SOX6: variants seen among roughly 807,000 people sequenced by gnomAD.
The protein encoded by SOX6 is transcription factor SOX-6.
In SOX6, 11 loss-of-function variants were observed where a neutral mutation model predicts 97.8. The observed-to-expected ratio is 0.11, with a 90% confidence interval of 0.07 to 0.19. SOX6 has a LOEUF of 0.19. Among genes scored for constraint, SOX6 ranks in the 10% least tolerant of loss-of-function variants. SOX6 has a pLI of 1.00. For synonymous variants in SOX6, 360 were observed against 371.4 expected (o/e 0.97, Z 0.35); for missense variants, 810 against 1,039.5 (o/e 0.78, Z 3.04).
intron 4 of SOX6, among the ~76,000 whole-genome samples, chr11:16,573,491 T>C (rs888416050): frequency 2.6e-5 from 4 of 152,156 alleles, no homozygotes; most frequent in Admixed American, 6.5e-5. Context: ...AGAAGTCACA[T>C]CAAATATTTA....
intron 3 of SOX6, among the ~76,000 whole-genome samples, chr11:16,622,019 T>A (rs1848551231): frequency 6.6e-6 from 1 of 152,236 alleles, no homozygotes. Context: ...CATTGCTAGG[T>A]CATCTTGTGG....
rs1208040567 is a variant in SOX6 at position 16,132,386 on chromosome 11, GAA to G, written c.778-20465_778-20464del. 7.0e-4 allele frequency among the ~76,000 whole-genome samples: 56 copies of G among 79,540 alleles called. 1 individual carries two copies. The highest frequency in any genetic ancestry group is 3.7e-3 in the Admixed American group (24 of 6,458). 52.2% of individuals were successfully genotyped at this position (79,540 alleles called of 152,430 possible). ...AGAAAGAAAGAAAGAAAGAAAGAAA[GAA>G]AGAAAGAAAGAAAAAAGAAAGAAAG... On this transcript the variant is annotated intron_variant, in intron 6 of 15. Transcript: ENST00000683767.
At chr11:16,637,736 G>C (rs367919892) in intron 3 of SOX6, among the ~76,000 whole-genome samples, 1 of 152,032 alleles carries the variant, frequency 6.6e-6, no homozygotes, top group East Asian at 1.9e-4. Context: ...TGGATCCTAA[G>C]CTAATGAAGC....
chr11:16,325,182 A>T (rs970413453), intron 2 of SOX6, among the ~76,000 whole-genome samples: 1 of 152,142 alleles, frequency 6.6e-6, no homozygotes, highest in Non-Finnish European at 1.5e-5. Flanking sequence ...TTTCATCTTC[A>T]CATTTAAATA....
chr11:15,987,840 G>A (rs1315867439), intron 14 of SOX6, among the ~76,000 whole-genome samples: 1 of 150,618 alleles, frequency 6.6e-6, no homozygotes, highest in South Asian at 2.1e-4. Context: ...TAATTGTAAT[G>A]ACATTTAGTA....
At chr11:16,286,335 A>T (rs1295293717) in intron 3 of SOX6, among the ~76,000 whole-genome samples, 1 of 152,126 alleles carries the variant, frequency 6.6e-6, no homozygotes, top group Non-Finnish European at 1.5e-5. Context: ...TGACTTCCCA[A>T]CAGGCAGACC....
At chr11:16,359,514 G>A (rs1857152339), upstream of SOX6, among the ~76,000 whole-genome samples, 2 of 152,050 alleles carry the variant, frequency 1.3e-5, no homozygotes, top group Admixed American at 6.6e-5. Flanking sequence ...CATCCAAAAG[G>A]TTGTATATAT....
At chr11:16,054,473 AAAG>A (rs1233405668) in intron 10 of SOX6, among the ~76,000 whole-genome samples, 3 of 152,150 alleles carry the variant, frequency 2.0e-5, no homozygotes, top group African/African-American at 7.2e-5. Flanking sequence ...GGAGAATCTA[AAAG>A]AATAGGTGGC....
At chr11:15,988,951 G>T (rs1410942652) in intron 14 of SOX6, 46 bp downstream of exon 14, 8 of 1,561,978 alleles carry the variant, frequency 5.1e-6, no homozygotes, top group Middle Eastern at 1.7e-4. Flanking sequence ...GCACTCATGG[G>T]ATTTGCAGGG....
At chr11:16,650,043 A>G (rs1847623704) in intron 3 of SOX6, among the ~76,000 whole-genome samples, 1 of 152,186 alleles carries the variant, frequency 6.6e-6, no homozygotes. Flanking sequence ...ACAAAGAGGG[A>G]CATTATATAA....
At chr11:16,437,275 T>C (rs1353666671) in intron 1 of SOX6, among the ~76,000 whole-genome samples, 1 of 151,324 alleles carries the variant, frequency 6.6e-6, no homozygotes, top group East Asian at 1.9e-4. Context: ...TCTCTATTTT[T>C]TTTTTTTAAA....
chr11:16,076,974 C>T (rs373148367), intron 9 of SOX6, among the ~76,000 whole-genome samples: 18 of 151,438 alleles, frequency 1.2e-4, no homozygotes, highest in African/African-American at 3.2e-4. Context: ...AGGATGGTCT[C>T]GATCTCCTGA....
At chr11:16,333,988 T>C (rs1037154573) in intron 2 of SOX6, among the ~76,000 whole-genome samples, 1 of 152,178 alleles carries the variant, frequency 6.6e-6, no homozygotes, top group African/African-American at 2.4e-5. Context: ...GAACGTTGGC[T>C]GACTCCAAGA....
At chr11:16,007,974 A>G (rs2133853770) in intron 13 of SOX6, among the ~76,000 whole-genome samples, 1 of 152,164 alleles carries the variant, frequency 6.6e-6, no homozygotes, top group South Asian at 2.1e-4. Flanking sequence ...AAGTACAGTC[A>G]TTACTCAGTA....
chr11:16,682,097 C>T (rs112357619), intron 3 of SOX6, among the ~76,000 whole-genome samples: 1 of 152,304 alleles, frequency 6.6e-6, no homozygotes, highest in African/African-American at 2.4e-5. Flanking sequence ...AGGGAATGCT[C>T]CCTAACTCAT....
chr11:16,161,453 T>C (rs1284930748), intron 6 of SOX6, among the ~76,000 whole-genome samples: 1 of 151,930 alleles, frequency 6.6e-6, no homozygotes, highest in African/African-American at 2.4e-5. Context: ...CTAGTAGCTG[T>C]TCCCCTAATC....
At chr11:16,312,287 G>T (rs907567458) in intron 3 of SOX6, 1 of 152,066 alleles carries the variant, frequency 6.6e-6, no homozygotes, top group Non-Finnish European at 1.5e-5. Flanking sequence ...ATTACCTAAA[G>T]AATAAGTTTT....
chr11:16,048,630 C>T (rs1164698377), intron 11 of SOX6, among the ~76,000 whole-genome samples: 1 of 152,074 alleles, frequency 6.6e-6, no homozygotes, highest in African/African-American at 2.4e-5. Flanking sequence ...TATTGTGAAA[C>T]ATCAAATCAG....
chr11:16,547,837 C>T (rs992354728), intron 4 of SOX6, among the ~76,000 whole-genome samples: 1 of 152,112 alleles, frequency 6.6e-6, no homozygotes, highest in Non-Finnish European at 1.5e-5. Context: ...ATCCTAAACA[C>T]CCTAACTTGA....
Sources: gnomAD v4.1 joint callset for allele counts (sites outside exome capture counted in the v4.1 genomes callset) on GRCh38, gnomAD v4.1.1 for gene constraint, MANE v1.5 for transcripts, NCBI Gene and HGNC (gene_info 2026-07-23, HGNC 2026-07-21) for gene names.